The following BAALC variants were observed in gnomAD, a reference collection of about 807,000 sequenced individuals.
BAALC encodes brain and acute leukemia cytoplasmic protein.
Under a neutral mutation model 15.5 loss-of-function variants are expected in BAALC, and 9 were observed. The observed-to-expected ratio is 0.58, with a 90% CI of 0.35 to 1.02. The LOEUF (loss-of-function observed/expected upper bound fraction) is 1.02, where lower values mean the gene tolerates loss of function less well. Among genes scored for constraint, BAALC ranks in the 50% least tolerant of loss-of-function variants. The pLI, the probability that BAALC is intolerant of heterozygous loss-of-function variation, is 0.02. For missense variants in BAALC, 201 were observed against 192.4 expected (o/e 1.04, Z -0.27); for synonymous variants, 80 against 74.6 (o/e 1.07, Z -0.37).
chr8:103,169,487 G>A (rs113922496), intron 1 of BAALC, among the ~76,000 whole-genome samples: 5 of 152,272 alleles, frequency 3.3e-5, no homozygotes, highest in South Asian at 2.1e-4. Flanking sequence ...AGGGCACTCC[G>A]ATGTTGGTTG....
intron 2 of BAALC, 160 bp downstream of exon 2, chr8:103,213,245 C>T: frequency 1.3e-6 from 1 of 766,528 alleles, no homozygotes; most frequent in Non-Finnish European, 2.0e-6. Context: ...TGCTGCAAAC[C>T]CCACCCCAAA....
intron 1 of BAALC, among the ~76,000 whole-genome samples, chr8:103,144,329 T>C (rs1586368207): frequency 6.6e-6 from 1 of 152,330 alleles, no homozygotes; most frequent in East Asian, 1.9e-4. Flanking sequence ...CTCAATGGAA[T>C]TGAATTAATT....
At chr8:103,166,835 G>A (rs994463894) in intron 1 of BAALC, among the ~76,000 whole-genome samples, 2 of 152,086 alleles carry the variant, frequency 1.3e-5, no homozygotes, top group Admixed American at 6.6e-5. Flanking sequence ...ATCTAAACTG[G>A]ATTTATAATC....
chr8:103,222,477 T>A (rs1001485646), intron 2 of BAALC, among the ~76,000 whole-genome samples: 3 of 152,190 alleles, frequency 2.0e-5, no homozygotes, highest in African/African-American at 7.2e-5. Flanking sequence ...ATTTATGGTT[T>A]GTAGGTTATG....
At chr8:103,205,128 A>T (rs1028240210) in intron 1 of BAALC, among the ~76,000 whole-genome samples, 1 of 152,154 alleles carries the variant, frequency 6.6e-6, no homozygotes, top group African/African-American at 2.4e-5. Flanking sequence ...ACTCTCTGTG[A>T]CCACCTTCAC....
chr8:103,200,577 G>T, intron 1 of BAALC: 14 of 494,448 alleles, frequency 2.8e-5, no homozygotes, highest in Middle Eastern at 5.3e-4. Context: ...AAGACAACAG[G>T]GACTGTCTTC....
chr8:103,173,164 G>T (rs943611685), intron 1 of BAALC, among the ~76,000 whole-genome samples: 1 of 152,056 alleles, frequency 6.6e-6, no homozygotes, highest in East Asian at 1.9e-4. Flanking sequence ...TAATGGTGAC[G>T]CCAGCTTTAG....
intron 1 of BAALC, among the ~76,000 whole-genome samples, chr8:103,150,161 C>G (rs1370017932): frequency 6.6e-6 from 1 of 152,144 alleles, no homozygotes; most frequent in Non-Finnish European, 1.5e-5. Flanking sequence ...ACCATCGGAT[C>G]TCATGAGACT....
In BAALC at chr8:103,141,017, C is replaced by A; in HGVS notation, c.120C>A (p.Ala40=). 1 of 1,520,478 alleles carries A rather than the reference C, an allele frequency of 6.6e-7. No individual in the cohort carries two copies. The highest frequency in any genetic ancestry group is 1.2e-5 in the South Asian group (1 of 81,274). 94.2% of individuals were successfully genotyped at this position (1,520,478 alleles called of 1,614,324 possible). A position where few individuals can be genotyped will look rare whatever the true frequency, so the allele number is the denominator to read the frequency against. ...YTDSDAPPSA[A]APDSGPEAGG... is the part of the protein sequence containing the mutation. ...ACTCGGACGCGCCGCCCAGCGCCGC[C>A]GCCCCGGACAGCGGCCCCGAAGCGG... is the stretch of plus-strand genomic sequence containing the variant. Residue 40 remains alanine (A), a synonymous_variant, in exon 1 of 3, where the codon GCC becomes GCA. Transcript: ENST00000309982.
chr8:103,146,573 T>A (rs1416019298), intron 1 of BAALC, among the ~76,000 whole-genome samples: 1 of 152,234 alleles, frequency 6.6e-6, no homozygotes, highest in East Asian at 1.9e-4. Context: ...TCTGGCTACA[T>A]CAGGACCCTG....
At chr8:103,161,871 G>A (rs1407850410) in intron 1 of BAALC, among the ~76,000 whole-genome samples, 1 of 152,130 alleles carries the variant, frequency 6.6e-6, no homozygotes, top group African/African-American at 2.4e-5. Flanking sequence ...TAAGAATGAA[G>A]TTGCCATCTT....
At chr8:103,160,800 T>C (rs980881648) in intron 1 of BAALC, among the ~76,000 whole-genome samples, 1 of 152,134 alleles carries the variant, frequency 6.6e-6, no homozygotes, top group African/African-American at 2.4e-5. Context: ...GGGAGAAAGA[T>C]GTAGGCTGGG....
chr8:103,228,359 T>C lies in BAALC; in HGVS notation c.*260T>C. ...AAATGTGCAGTTCAGTTTGTCTCTT[T>C]GCAACTCCTGTAATACGGTCTGGTG... On this transcript the variant is annotated 3_prime_UTR_variant, in exon 3 of 3. Transcript: ENST00000309982. The C allele has an allele frequency of 2.6e-6, 1 of 381,548 alleles. No homozygotes were observed. Among genetic ancestry groups the C allele is most frequent in the Non-Finnish European group, 4.7e-6 (1 of 211,034 alleles). 23.6% of individuals were successfully genotyped at this position (381,548 alleles called of 1,614,324 possible). A position where few individuals can be genotyped will look rare whatever the true frequency, so the allele number is the denominator to read the frequency against.
intron 2 of BAALC, among the ~76,000 whole-genome samples, chr8:103,226,517 A>G (rs1247767786): frequency 6.6e-6 from 1 of 152,130 alleles, no homozygotes; most frequent in East Asian, 1.9e-4. Context: ...GTGTCCATCC[A>G]CTAGTGGAGG....
rs77919339 is a variant in BAALC at position 103,200,803 on chromosome 8, C to T, written c.161-12116C>T. On this transcript the variant is annotated intron_variant, in intron 1 of 2. Coordinates refer to ENST00000309982, the MANE Select transcript of BAALC (RefSeq NM_024812.3). The stretch of plus-strand genomic sequence containing the variant: ...CCCTTCAACCTCTTTTATAAGGGCA[C>T]CAATATCGTTCATGAAGACAGAACC... The T allele has an allele frequency of 2.4e-3, 1,563 of 653,724 alleles. 20 individuals carry two copies. Among genetic ancestry groups the T allele is most frequent in the African/African-American group, 0.024 (1,336 of 56,776 alleles). The allele number at this position is 653,724 out of a possible 1,614,324, so 40.5% of individuals were successfully genotyped here.
chr8:103,228,101 A>T lies in BAALC; in HGVS notation c.*2A>T. 6.3e-6 allele frequency: 10 copies of T among 1,589,724 alleles called. No individual in the cohort carries two copies. Among genetic ancestry groups the T allele is most frequent in the Non-Finnish European group, 8.6e-6 (10 of 1,158,550 alleles). On this transcript the variant is annotated 3_prime_UTR_variant, in exon 3 of 3. Transcript: ENST00000309982. ...ATCACAAAGAACTGTGTCAACTAGC[A>T]GAGAGTCCAAGCAGAAGGGCAGATG... is the stretch of plus-strand genomic sequence containing the variant.
At chr8:103,222,382 T>C (rs1005959560) in intron 2 of BAALC, among the ~76,000 whole-genome samples, 2 of 152,218 alleles carry the variant, frequency 1.3e-5, no homozygotes, top group Admixed American at 1.3e-4. Flanking sequence ...GGGTAAAACA[T>C]TTTGATTTTC....
chr8:103,221,890 G>C (rs1220748462), intron 2 of BAALC, among the ~76,000 whole-genome samples: 1 of 152,174 alleles, frequency 6.6e-6, no homozygotes, highest in Non-Finnish European at 1.5e-5. Flanking sequence ...AGGAGATCCT[G>C]AGAGTATGTG....
intron 1 of BAALC, among the ~76,000 whole-genome samples, chr8:103,176,593 GCTAT>G (rs1368058990): frequency 5.3e-5 from 8 of 152,102 alleles, no homozygotes; most frequent in Non-Finnish European, 1.0e-4. Context: ...AACCCACCAC[GCTAT>G]CTAATTTTTC....
Sources: gnomAD v4.1 joint callset for allele counts (sites outside exome capture counted in the v4.1 genomes callset) on GRCh38, gnomAD v4.1.1 for gene constraint, MANE v1.5 for transcripts, NCBI Gene and HGNC (gene_info 2026-07-23, HGNC 2026-07-21) for gene names.